The following SMAD3 variants were observed in gnomAD, a reference collection of about 807,000 sequenced individuals.
SMAD3 encodes SMAD family member 3.
SMAD3 carries 12 observed loss-of-function variants against 51.8 expected under a neutral mutation model. The observed-to-expected ratio is 0.23, with a 90% CI of 0.15 to 0.38. The LOEUF is 0.38. Ranked by LOEUF, SMAD3 falls within the 10% of genes least tolerant of loss-of-function variation. The probability of loss-of-function intolerance (pLI) is 1.00; values close to 1 mark genes in which losing one functional copy is unlikely to be tolerated. For missense variants in SMAD3, 294 were observed against 565.6 expected, an observed-to-expected ratio of 0.52 and a Z score of 4.87; for synonymous variants, 238 against 227.7, an observed-to-expected ratio of 1.05 and a Z score of -0.41.
At chr15:67,130,991 C>T (rs553249241) in intron 1 of SMAD3, among the ~76,000 whole-genome samples, 2 of 152,312 alleles carry the variant, frequency 1.3e-5, no homozygotes, top group East Asian at 3.9e-4. Flanking sequence ...AAGTACTTCT[C>T]AAGCCTTCAA....
At chr15:67,068,340 G>A (rs536409503) in intron 1 of SMAD3, among the ~76,000 whole-genome samples, 1 of 152,360 alleles carries the variant, frequency 6.6e-6, no homozygotes, top group South Asian at 2.1e-4. Flanking sequence ...GTTAGCTTGG[G>A]GAGGGCCCTG....
intron 1 of SMAD3, among the ~76,000 whole-genome samples, chr15:67,101,145 G>T (rs768306089): frequency 6.6e-6 from 1 of 152,176 alleles, no homozygotes; most frequent in African/African-American, 2.4e-5. Flanking sequence ...TGTGCTACTC[G>T]CTTTGGGCAG....
intron 5 of SMAD3, 151 bp from the exon 6 acceptor site, chr15:67,181,090 C>T: frequency 1.5e-6 from 1 of 687,686 alleles, no homozygotes; most frequent in Admixed American, 2.1e-5. Context: ...GTGGCTCTTG[C>T]CAGTTTTATA....
intron 1 of SMAD3, among the ~76,000 whole-genome samples, chr15:67,118,583 T>A (rs929369794): frequency 3.9e-5 from 6 of 152,148 alleles, no homozygotes; most frequent in African/African-American, 1.4e-4. Flanking sequence ...TGGAAGGAGC[T>A]CTGCTTAGAA....
intron 1 of SMAD3, among the ~76,000 whole-genome samples, chr15:67,102,634 A>G (rs926045458): frequency 6.6e-6 from 1 of 151,826 alleles, no homozygotes; most frequent in Non-Finnish European, 1.5e-5. Context: ...CATCCAATGT[A>G]TGATGGGGAA....
intron 1 of SMAD3, among the ~76,000 whole-genome samples, chr15:67,137,756 C>T (rs980140746): frequency 6.6e-6 from 1 of 152,224 alleles, no homozygotes; most frequent in Non-Finnish European, 1.5e-5. Flanking sequence ...TCATTTCTCT[C>T]AAGCCGAATT....
rs3833027 is a variant in SMAD3 at position 67,193,595 on chromosome 15, AGAG to A, written c.*3063_*3065del. ...AGACCTGACATTTTGAGACAAGCCT[AGAG>A]GAGTCAGGAGCAGGGACTTTGACTC... On this transcript the variant is annotated 3_prime_UTR_variant, in exon 9 of 9. Coordinates refer to ENST00000327367, the MANE Select transcript of SMAD3 (RefSeq NM_005902.4). The A allele has an allele frequency of 0.98, 227,786 of 233,602 alleles. 111,246 individuals carry two copies. Among genetic ancestry groups the A allele is most frequent in the Non-Finnish European group, 1 (117,894 of 118,002 alleles). 14.5% of individuals were successfully genotyped at this position (233,602 alleles called of 1,614,324 possible).
rs943452510 is a variant in SMAD3 at position 67,125,731 on chromosome 15, C to T, written c.207-39164C>T. 5.1e-6 allele frequency: 5 copies of T among 985,546 alleles called. No homozygotes were observed. The African/African-American group carries it at 8.7e-5, about 17-fold the overall frequency. 61.1% of individuals were successfully genotyped at this position (985,546 alleles called of 1,614,324 possible). On this transcript the variant is annotated intron_variant, in intron 1 of 8. Transcript: ENST00000327367. ...AAACGGCCTGAAATATGAGCTTGTGCTTGCTGGAGGAGGATGACAGAGGAG... is the reference window on the plus strand; with the variant it reads ...AAACGGCCTGAAATATGAGCTTGTGTTTGCTGGAGGAGGATGACAGAGGAG...
chr15:67,110,047 G>A (rs890893298), intron 1 of SMAD3, among the ~76,000 whole-genome samples: 12 of 152,350 alleles, frequency 7.9e-5, no homozygotes, highest in African/African-American at 2.2e-4. Context: ...TGCCTTTTAG[G>A]AGTTCTCTGC....
intron 1 of SMAD3, among the ~76,000 whole-genome samples, chr15:67,097,455 G>A (rs1425587905): frequency 6.6e-6 from 1 of 151,984 alleles, no homozygotes; most frequent in African/African-American, 2.4e-5. Flanking sequence ...TGTTGCCCCA[G>A]GCTAGTCTCA....
chr15:67,073,923 T>C (rs1960111099), intron 1 of SMAD3, among the ~76,000 whole-genome samples: 1 of 152,212 alleles, frequency 6.6e-6, no homozygotes, highest in Admixed American at 6.5e-5. Flanking sequence ...TCTGCCCGCC[T>C]CGGCCTCCCA....
intron 3 of SMAD3, chr15:67,166,382 G>A (rs1009582984): frequency 1.7e-4 from 65 of 377,988 alleles, no homozygotes; most frequent in Non-Finnish European, 2.7e-4. Flanking sequence ...AAGATAGTAG[G>A]GACCAAAGGG....
chr15:67,066,988 A>G (rs139648739), intron 1 of SMAD3, among the ~76,000 whole-genome samples: 1 of 152,166 alleles, frequency 6.6e-6, no homozygotes, highest in Non-Finnish European at 1.5e-5. Context: ...GCATGCACGC[A>G]CTTTGGTTGC....
chr15:67,165,310 T>C lies in SMAD3; in HGVS notation c.458T>C (p.Leu153Pro). 6.2e-7 allele frequency: 1 copy of C among 1,614,172 alleles called. No individual in the cohort carries two copies. Among genetic ancestry groups the C allele is most frequent in the Non-Finnish European group, 8.5e-7 (1 of 1,180,032 alleles). Residue 153 changes from leucine to proline, a missense_variant, in exon 3 of 9, where the codon CTG becomes CCG. By Grantham distance (98) the Leu-to-Pro change is moderately conservative (BLOSUM62 -3). This residue lies in a region of SMAD3 where 147 missense variants were observed against 260.9 expected (regional missense o/e 0.56). Coordinates refer to ENST00000327367, the MANE Select transcript of SMAD3 (RefSeq NM_005902.4). ...GAGATCCCGGCCGAGTTCCCCCCAC[T>C]GGACGACTACAGCCATTCCATCCCC... is the stretch of plus-strand genomic sequence containing the variant. ...HTEIPAEFPP[L>P]DDYSHSIPEN... is the part of the protein sequence containing the mutation.
intron 1 of SMAD3, among the ~76,000 whole-genome samples, chr15:67,151,865 A>G (rs1287126735): frequency 1.3e-5 from 2 of 152,154 alleles, no homozygotes; most frequent in African/African-American, 4.8e-5. Context: ...TATGTAATAT[A>G]TGAATGTTAC....
chr15:67,087,196 TTCTAACGTGA>T (rs1960412698), intron 1 of SMAD3, among the ~76,000 whole-genome samples: 2 of 152,138 alleles, frequency 1.3e-5, no homozygotes, highest in African/African-American at 4.8e-5. Flanking sequence ...CTCTTCTCCT[TTCTAACGTGA>T]TGTCAGTGTC....
At chr15:67,116,046 G>A (rs1331191965) in intron 1 of SMAD3, among the ~76,000 whole-genome samples, 1 of 152,244 alleles carries the variant, frequency 6.6e-6, no homozygotes, top group Non-Finnish European at 1.5e-5. Context: ...TTTAACAACA[G>A]AGAGAAATCC....
intron 1 of SMAD3, among the ~76,000 whole-genome samples, chr15:67,116,453 G>A (rs893468887): frequency 3.3e-5 from 5 of 152,158 alleles, no homozygotes; most frequent in African/African-American, 4.8e-5. Flanking sequence ...GATCCATCTC[G>A]GGCACAGGGA....
chr15:67,110,155 T>C (rs1490302816), intron 1 of SMAD3, among the ~76,000 whole-genome samples: 2 of 152,216 alleles, frequency 1.3e-5, no homozygotes, highest in Non-Finnish European at 2.9e-5. Context: ...TGCTTGAGTG[T>C]CTAAGACCCA....
Sources: allele counts gnomAD v4.1 joint callset (sites outside exome capture counted in the v4.1 genomes callset), GRCh38; gene constraint gnomAD v4.1.1; regional missense constraint gnomAD v4.1.1; transcripts MANE v1.5; gene names NCBI Gene and HGNC (gene_info 2026-07-23, HGNC 2026-07-21).